The following FHAD1 variants were observed in gnomAD, a reference collection of about 807,000 sequenced individuals.
FHAD1 encodes forkhead associated phosphopeptide binding domain 1, also known as forkhead-associated domain-containing protein 1.
FHAD1 carries 146 observed loss-of-function variants against 191.3 expected under a neutral mutation model. That is an observed-to-expected ratio of 0.76 (90% CI 0.67 to 0.88). The LOEUF (loss-of-function observed/expected upper bound fraction) is 0.88, where lower values mean the gene tolerates loss of function less well. Ranked by LOEUF, FHAD1 falls within the 40% of genes least tolerant of loss-of-function variation. The probability of loss-of-function intolerance (pLI) is 0.00; values close to 1 mark genes in which losing one functional copy is unlikely to be tolerated. For synonymous variants in FHAD1, 616 were observed against 672.3 expected, an observed-to-expected ratio of 0.92 and a Z score of 1.29; for missense variants, 1,635 against 1,785.8, an observed-to-expected ratio of 0.92 and a Z score of 1.52.
chr1:15,386,289 T>C (rs1053947289), intron 31 of FHAD1, among the ~76,000 whole-genome samples: 4 of 152,236 alleles, frequency 2.6e-5, no homozygotes, highest in Non-Finnish European at 4.4e-5. Flanking sequence ...CCTGCATCGC[T>C]TTCAATGAGC....
At chr1:15,314,843 TGAGGGGGCGTGTGG>T (rs1673760463) in intron 8 of FHAD1, among the ~76,000 whole-genome samples, 1 of 19,022 alleles carries the variant, frequency 5.3e-5, no homozygotes, top group Non-Finnish European at 1.1e-4. Context: ...GGTGAGTGGG[TGAGGGGGCGTGTGG>T]ATGTGTGGGT....
chr1:15,353,317 G>A (rs1171453547), intron 20 of FHAD1, among the ~76,000 whole-genome samples: 3 of 152,114 alleles, frequency 2.0e-5, no homozygotes, highest in Non-Finnish European at 4.4e-5. Context: ...GACAGGATCC[G>A]AAGCCTGGAC....
At chr1:15,293,506 T>TC (rs1325810082) in intron 4 of FHAD1, among the ~76,000 whole-genome samples, 3 of 151,978 alleles carry the variant, frequency 2.0e-5, no homozygotes, top group Non-Finnish European at 4.4e-5. Flanking sequence ...AATCACAAGG[T>TC]CGGGAGTCTG....
intron 28 of FHAD1, among the ~76,000 whole-genome samples, chr1:15,378,452 C>G (rs577069654): frequency 6.6e-6 from 1 of 152,198 alleles, no homozygotes; most frequent in African/African-American, 2.4e-5. Flanking sequence ...ATGGTGTGAT[C>G]GAACCTGCAG....
intron 21 of FHAD1, among the ~76,000 whole-genome samples, chr1:15,358,806 G>A (rs1321954219): frequency 4.6e-5 from 7 of 152,140 alleles, no homozygotes; most frequent in African/African-American, 1.7e-4. Flanking sequence ...CAACCGACAG[G>A]TTTCTGGGCA....
chr1:15,342,458 C>G (rs1558167169), intron 16 of FHAD1, among the ~76,000 whole-genome samples: 1 of 152,142 alleles, frequency 6.6e-6, no homozygotes, highest in Admixed American at 6.5e-5. Context: ...GGTACTGACG[C>G]TACCAGTCTG....
intron 23 of FHAD1, among the ~76,000 whole-genome samples, chr1:15,364,656 T>G (rs1695849880): frequency 6.6e-6 from 1 of 152,148 alleles, no homozygotes; most frequent in Non-Finnish European, 1.5e-5. Context: ...AAGAAGAGCC[T>G]GGATTTCAAA....
intron 19 of FHAD1, among the ~76,000 whole-genome samples, chr1:15,350,171 G>A (rs556023918): frequency 1.6e-4 from 24 of 152,372 alleles, no homozygotes; most frequent in East Asian, 1.2e-3. Flanking sequence ...TCCACCCACC[G>A]TGGGCCAGGC....
At chr1:15,345,640 T>A in intron 18 of FHAD1, 117 bp downstream of exon 18, 1 of 818,606 alleles carries the variant, frequency 1.2e-6, no homozygotes, top group Non-Finnish European at 2.0e-6. Context: ...TCGTGGAGTT[T>A]GCGTTTGGGT....
chr1:15,368,525 AAAAG>A (rs1307940073), intron 25 of FHAD1, among the ~76,000 whole-genome samples: 1 of 152,236 alleles, frequency 6.6e-6, no homozygotes, highest in Non-Finnish European at 1.5e-5. Flanking sequence ...TTTCACAAAA[AAAAG>A]AGTTTGACTG....
chr1:15,324,862 G>T, intron 11 of FHAD1: 1 of 425,460 alleles, frequency 2.4e-6, no homozygotes, highest in Non-Finnish European at 4.3e-6. Context: ...CCCCAGTGGT[G>T]TTTCTAGCAT....
rs754325582 is a variant in FHAD1, at chr1:15,312,528, G to T, written c.1040-529G>T. On this transcript the variant is annotated intron_variant, in intron 7 of 33. Coordinates refer to ENST00000688493, the MANE Select transcript of FHAD1 (RefSeq NM_001391957.1). This position sits in a 1 kb window ranked among gnomAD's most constrained non-coding sequence, Gnocchi z 4.7. ...AATACAAAAATTAGCCAGGCATAGT[G>T]GCACGTACCTGTAGTCCTAGCTACT... Among the ~76,000 whole-genome samples the T allele has an allele frequency of 6.6e-6, 1 of 152,170 alleles. No homozygotes were observed. Among genetic ancestry groups the T allele is most frequent in the Non-Finnish European group, 1.5e-5 (1 of 68,044 alleles).
intron 2 of FHAD1, 49 bp downstream of exon 2, chr1:15,251,926 C>T: frequency 6.9e-7 from 1 of 1,458,802 alleles, no homozygotes; most frequent in Non-Finnish European, 9.4e-7. Flanking sequence ...CCCCTTCCTT[C>T]TCCCTCTCTA....
At chr1:15,282,716 A>G (rs749280688) in intron 3 of FHAD1, among the ~76,000 whole-genome samples, 12 of 152,364 alleles carry the variant, frequency 7.9e-5, no homozygotes, top group Non-Finnish European at 1.8e-4. Context: ...TGATGGCTAC[A>G]GACATAAAAC....
intron 21 of FHAD1, among the ~76,000 whole-genome samples, chr1:15,358,910 T>C (rs997544063): frequency 1.3e-5 from 2 of 152,146 alleles, no homozygotes; most frequent in East Asian, 1.9e-4. Flanking sequence ...TGGAACGTGG[T>C]GTAGACCAGA....
At chr1:15,255,430 G>C (rs1647539908) in intron 2 of FHAD1, among the ~76,000 whole-genome samples, 1 of 152,196 alleles carries the variant, frequency 6.6e-6, no homozygotes, top group Non-Finnish European at 1.5e-5. Context: ...GGTATTTGTA[G>C]GGTTTTGCCC....
At chr1:15,383,698 C>A (rs1264581004) in intron 31 of FHAD1, 8 of 305,356 alleles carry the variant, frequency 2.6e-5, no homozygotes. Context: ...ACTGTTTCTT[C>A]ATGACCGTCT....
At chr1:15,238,692 A>G (rs879649962) in intron 1 of FHAD1, among the ~76,000 whole-genome samples, 8 of 152,204 alleles carry the variant, frequency 5.3e-5, no homozygotes, top group Non-Finnish European at 1.0e-4. Flanking sequence ...CCCAGGCCCA[A>G]CTGTTTCTTT....
At chr1:15,301,180 A>T (rs1668659413) in intron 5 of FHAD1, 25 bp from the exon 6 acceptor site, 1 of 1,541,604 alleles carries the variant, frequency 6.5e-7, no homozygotes, top group South Asian at 1.2e-5. Flanking sequence ...ACACCTAGTA[A>T]GCCTCCCATC....
Sources: allele counts gnomAD v4.1 joint callset (sites outside exome capture counted in the v4.1 genomes callset), GRCh38; gene constraint gnomAD v4.1.1; non-coding constraint Gnocchi (gnomAD v3.1); transcripts MANE v1.5; gene names NCBI Gene and HGNC (gene_info 2026-07-23, HGNC 2026-07-21).